The following RAPSN variants were observed in gnomAD, a reference collection of about 807,000 sequenced individuals.
RAPSN encodes the protein receptor associated protein of the synapse, also known as 43 kDa receptor-associated protein of the synapse.
In RAPSN, 33 loss-of-function variants were observed where a neutral mutation model predicts 45.7. That is an observed-to-expected ratio of 0.72 (90% CI 0.55 to 0.97). RAPSN has a LOEUF of 0.97. Ranked by LOEUF, RAPSN falls within the 50% of genes least tolerant of loss-of-function variation. The pLI, the probability that RAPSN is intolerant of heterozygous loss-of-function variation, is 0.00. For missense variants in RAPSN, 519 were observed against 559.4 expected (o/e 0.93, Z 0.73); for synonymous variants, 244 against 233.6 (o/e 1.04, Z -0.40).
intron 6 of RAPSN, among the ~76,000 whole-genome samples, chr11:47,440,758 T>TTTTTC (rs893091693): frequency 1.2e-4 from 18 of 152,220 alleles, no homozygotes; most frequent in South Asian, 8.3e-4. Context: ...CAAAAATGTT[T>TTTTTC]TTTTCTTTTC....
intron 3 of RAPSN, 117 bp downstream of exon 3, chr11:47,442,539 C>T: frequency 8.3e-7 from 1 of 1,206,212 alleles, no homozygotes; most frequent in Non-Finnish European, 1.2e-6. Context: ...GGGCCAGAGG[C>T]AAGCCCTAGG....
chr11:47,438,034 T>G lies in RAPSN; in HGVS notation c.1180A>C (p.Asn394His), dbSNP rs762532220. 39 of 1,549,748 alleles carry G rather than the reference T, an allele frequency of 2.5e-5. No homozygotes were observed. The highest frequency in any genetic ancestry group is 4.1e-5 in the African/African-American group (3 of 72,974). The change falls in exon 8 of 8, where the codon AAC becomes CAC. Residue 394 changes from asparagine to histidine, a missense_variant. Physicochemically the swap from Asn to His is moderately conservative, Grantham distance 68. Transcript: ENST00000298854. ...HIFHLRCLQN[N>H]GTRSCPNCRR... ...CAGTTGGGACAGCTCCGGGTCCCGT[T>G]GTTCTGCAGGCACCTGGGGAGGCAA...
At position 47,448,155 on chromosome 11, in the gene RAPSN, A is replaced by C. The variant is rs761687583; in HGVS notation, c.193-5T>G. 1 of 1,609,078 alleles carries C rather than the reference A, an allele frequency of 6.2e-7. No homozygotes were observed. The highest frequency in any genetic ancestry group is 1.1e-5 in the South Asian group (1 of 91,078). On this transcript the variant is annotated splice_polypyrimidine_tract_variant and splice_region_variant and intron_variant, in intron 1 of 7. Transcript: ENST00000298854. ...GTCGATCTGGACCACAGCGAACTGC[A>C]CACAGCGACGGTGGGCAGGTGGTGC...
chr11:47,439,022 T>A lies in RAPSN; in HGVS notation c.967-91A>T, dbSNP rs1032796381. Reference sequence around the variant, plus strand: ...GGTCTCAGCCACTTCCCTGTCTTGCTGATGGACCTTGGAAAAATGTCCTGC... The same window carrying A: ...GGTCTCAGCCACTTCCCTGTCTTGCAGATGGACCTTGGAAAAATGTCCTGC... On this transcript the variant is annotated intron_variant, in intron 6 of 7. Coordinates refer to ENST00000298854, the MANE Select transcript of RAPSN (RefSeq NM_005055.5). The A allele has an allele frequency of 6.5e-6, 9 of 1,389,142 alleles. 1 individual carries two copies. In the South Asian group the frequency reaches 1.1e-4, roughly 18 times the overall value. The allele number at this position is 1,389,142 out of a possible 1,614,324, so 86.1% of individuals were successfully genotyped here. A position where few individuals can be genotyped will look rare whatever the true frequency, so the allele number is the denominator to read the frequency against.
chr11:47,449,084 C>A lies in RAPSN; in HGVS notation c.-120G>T. ...CGAAACGTGGGAACAAAAGCAGCGT[C>A]GGGTGGGAGCCGGAATGGGGCCTGG... On this transcript the variant is annotated 5_prime_UTR_variant, in exon 1 of 8. Transcript: ENST00000298854. 8.0e-7 allele frequency: 1 copy of A among 1,252,260 alleles called. No homozygotes were observed. Among genetic ancestry groups the A allele is most frequent in the South Asian group, 1.2e-5 (1 of 81,266 alleles). 77.6% of individuals were successfully genotyped at this position (1,252,260 alleles called of 1,614,324 possible). A position where few individuals can be genotyped will look rare whatever the true frequency, so the allele number is the denominator to read the frequency against.
chr11:47,448,176 G>A (rs1210225831), intron 1 of RAPSN, 26 bp from the exon 2 acceptor site: 1 of 1,602,974 alleles, frequency 6.2e-7, no homozygotes, highest in Non-Finnish European at 8.5e-7. Flanking sequence ...GTGGGCAGGT[G>A]GTGCTCAGCC....
chr11:47,441,070 G>C, intron 6 of RAPSN, 89 bp downstream of exon 6: 1 of 1,527,312 alleles, frequency 6.5e-7, no homozygotes, highest in East Asian at 2.3e-5. Context: ...GGCTCATGAC[G>C]TGAGTAGGCT....
intron 2 of RAPSN, among the ~76,000 whole-genome samples, chr11:47,447,292 CCTGA>C (rs571895770): frequency 2.0e-3 from 307 of 152,306 alleles, no homozygotes; most frequent in Non-Finnish European, 3.5e-3. Flanking sequence ...CACTTGACTT[CCTGA>C]CTGTGTTGAT....
At position 47,438,594 on chromosome 11, in the gene RAPSN, G is replaced by C. The variant is rs534596612; in HGVS notation, c.1166+138C>G. 3.8e-6 allele frequency: 4 copies of C among 1,063,212 alleles called. No individual in the cohort carries two copies. The East Asian group carries it at 7.9e-5, about 21-fold the overall frequency. The allele number at this position is 1,063,212 out of a possible 1,614,324, so 65.9% of individuals were successfully genotyped here. On this transcript the variant is annotated intron_variant, in intron 7 of 7. Transcript: ENST00000298854. ...CGCCTCGGCCTCCCAAAGTGCTTGC[G>C]AGACAGACGTGAGGCACCACGCCTG...
In RAPSN at chr11:47,438,064, C is replaced by T. The variant is rs770347768; in HGVS notation, c.1167-17G>A. 1.6e-5 allele frequency: 25 copies of T among 1,549,434 alleles called. No individual in the cohort carries two copies. Among genetic ancestry groups the T allele is most frequent in the East Asian group, 2.4e-5 (1 of 40,926 alleles). ...TGCAGGCACCTGGGGAGGCAAAGGG[C>T]CCTGTCCACTCCCCTGAGGCCTGTC... On this transcript the variant is annotated splice_polypyrimidine_tract_variant and intron_variant, in intron 7 of 7. Transcript: ENST00000298854.
At chr11:47,446,303 G>C (rs1486708139) in intron 2 of RAPSN, among the ~76,000 whole-genome samples, 1 of 151,552 alleles carries the variant, frequency 6.6e-6, no homozygotes, top group Non-Finnish European at 1.5e-5. Context: ...GCTTCTCAAA[G>C]TGCTGGGATT....
chr11:47,448,032 G>A lies in RAPSN; in HGVS notation c.311C>T (p.Ser104Phe), dbSNP rs748568535. 2 of 1,614,048 alleles carry A rather than the reference G, an allele frequency of 1.2e-6. No individual in the cohort carries two copies. Among genetic ancestry groups the A allele is most frequent in the African/African-American group, 1.3e-5 (1 of 75,022 alleles). ...CAGCCCAAGGCAGGTCTTGCAGTAG[G>A]AGATGGTCTTGTGAAACTCGCACAG... ...EKLCEFHKTISYCKTCLGLPG... is the reference protein window; with the variant it reads ...EKLCEFHKTIFYCKTCLGLPG... Residue 104 changes from serine to phenylalanine, a missense_variant, in exon 2 of 8, where the codon TCC (serine) becomes TTC (phenylalanine). Transcript: ENST00000298854.
rs1452323802 is a variant in RAPSN at position 47,448,938 on chromosome 11, C to T, written c.27G>A (p.Gln9=). 2 of 1,614,248 alleles carry T rather than the reference C, an allele frequency of 1.2e-6. No individual in the cohort carries two copies. Among genetic ancestry groups the T allele is most frequent in the African/African-American group, 1.3e-5 (1 of 75,068 alleles). Residue 9 remains glutamine (Q), a synonymous_variant, in exon 1 of 8, where the codon CAG becomes CAA. Transcript: ENST00000298854. The part of the protein sequence containing the change: MGQDQTKQ[Q]IEKGLQLYQS... ...GGTACAGCTGGAGCCCCTTCTCGAT[C>T]TGCTGCTTGGTCTGGTCCTGCCCCA...
At position 47,447,851 on chromosome 11, in the gene RAPSN, G is replaced by A. The variant is rs146237774; in HGVS notation, c.492C>T (p.Arg164=). The A allele has an allele frequency of 7.4e-4, 1,189 of 1,613,242 alleles. No homozygotes were observed. The highest frequency in any genetic ancestry group is 9.6e-4 in the Non-Finnish European group (1,130 of 1,179,834). ...AGAAGCTGCCCAGGCTGCAGCACAC[G>A]CGGCACTCGAGCATGGCGTCATCAT... The part of the protein sequence containing the change: ...HNNDDAMLEC[R]VCCSLGSFYA... The change falls in exon 2 of 8, where the codon CGC becomes CGT. Residue 164 remains arginine (R), a synonymous_variant. Transcript: ENST00000298854.
chr11:47,443,400 G>A (rs896717918), intron 2 of RAPSN, among the ~76,000 whole-genome samples: 2 of 152,078 alleles, frequency 1.3e-5, no homozygotes, highest in Non-Finnish European at 2.9e-5. Flanking sequence ...TCAACTCCAC[G>A]AGGAAAAGGA....
At position 47,447,905 on chromosome 11, in the gene RAPSN, G is replaced by C; in HGVS notation, c.438C>G (p.Phe146Leu). The change falls in exon 2 of 8, where the codon TTC becomes TTG. Residue 146 changes from phenylalanine to leucine, a missense_variant. Coordinates refer to ENST00000298854, the MANE Select transcript of RAPSN (RefSeq NM_005055.5). Reference protein sequence around the residue: ...LSVFQKALESFEKALRYAHNN... With the variant: ...LSVFQKALESLEKALRYAHNN... ...TGTGGGCATAGCGCAGGGCCTTCTC[G>C]AAGCTCTCCAGGGCCTTCTGGAAGA... is the stretch of plus-strand genomic sequence containing the variant. 1 of 1,613,186 alleles carries C rather than the reference G, an allele frequency of 6.2e-7. No homozygotes were observed. The highest frequency in any genetic ancestry group is 8.5e-7 in the Non-Finnish European group (1 of 1,179,778).
intron 3 of RAPSN, 30 bp downstream of exon 3, chr11:47,442,626 C>A (rs763429272): frequency 1.8e-5 from 29 of 1,610,412 alleles, no homozygotes; most frequent in Non-Finnish European, 2.3e-5. Context: ...CCACCTCATC[C>A]CCGACCTGCC....
At chr11:47,445,994 T>TC (rs2076402662) in intron 2 of RAPSN, among the ~76,000 whole-genome samples, 2 of 151,368 alleles carry the variant, frequency 1.3e-5, no homozygotes, top group Non-Finnish European at 2.9e-5. Flanking sequence ...AGTGGAACAC[T>TC]CATGGCTCAC....
intron 3 of RAPSN, among the ~76,000 whole-genome samples, chr11:47,442,123 G>A (rs746487625): frequency 1.3e-5 from 2 of 152,242 alleles, no homozygotes; most frequent in African/African-American, 2.4e-5. Context: ...GAGGCTCAAA[G>A]AGAAGTGACT....
Sources: gnomAD v4.1 joint callset for allele counts (sites outside exome capture counted in the v4.1 genomes callset) on GRCh38, gnomAD v4.1.1 for gene constraint, MANE v1.5 for transcripts, NCBI Gene and HGNC (gene_info 2026-07-23, HGNC 2026-07-21) for gene names.